Variants in AGBL4 observed in about 807,000 individuals in gnomAD.
AGBL4 encodes the protein cytosolic carboxypeptidase 6.
In AGBL4, 58 loss-of-function variants were observed where a neutral mutation model predicts 66.4. That is an observed-to-expected ratio of 0.87 (90% CI 0.71 to 1.09). The LOEUF (loss-of-function observed/expected upper bound fraction) is 1.09. Ranked by LOEUF, AGBL4 falls within the 50% of genes least tolerant of loss-of-function variation. The pLI is 0.00. For missense variants in AGBL4, 579 were observed against 631.0 expected (o/e 0.92, Z 0.88); for synonymous variants, 234 against 222.9 (o/e 1.05, Z -0.44).
chr1:48,820,759 C>G (rs1196263815), intron 6 of AGBL4, among the ~76,000 whole-genome samples: 1 of 152,028 alleles, frequency 6.6e-6, no homozygotes, highest in East Asian at 1.9e-4. Flanking sequence ...CATTAGGGGA[C>G]TTAATAAATG....
At chr1:48,539,520 G>T in intron 12 of AGBL4, 122 bp downstream of exon 12, 1 of 725,278 alleles carries the variant, frequency 1.4e-6, no homozygotes, top group Non-Finnish European at 2.0e-6. Flanking sequence ...GGCAGGGCCA[G>T]GATTATCTTT....
At chr1:49,491,418 C>A (rs1647182256) in intron 3 of AGBL4, among the ~76,000 whole-genome samples, 1 of 151,696 alleles carries the variant, frequency 6.6e-6, no homozygotes, top group South Asian at 2.1e-4. Context: ...TATCTTCTCC[C>A]CCTCCTCAAA....
chr1:49,343,192 G>A (rs528076488), intron 3 of AGBL4, among the ~76,000 whole-genome samples: 9 of 152,132 alleles, frequency 5.9e-5, no homozygotes, highest in South Asian at 4.1e-4. Context: ...GACCTAAGGT[G>A]AATTCTGACA....
At chr1:49,187,958 G>C (rs1034369357) in intron 4 of AGBL4, among the ~76,000 whole-genome samples, 1 of 152,072 alleles carries the variant, frequency 6.6e-6, no homozygotes, top group African/African-American at 2.4e-5. Context: ...CTATTTTCAT[G>C]ATAGTGAATG....
chr1:49,787,950 A>AT (rs944416618), intron 2 of AGBL4, among the ~76,000 whole-genome samples: 8 of 152,158 alleles, frequency 5.3e-5, no homozygotes. Context: ...CATAAATTAT[A>AT]TTTTTTACAT....
intron 5 of AGBL4, among the ~76,000 whole-genome samples, chr1:49,015,504 G>A (rs1571235852): frequency 6.7e-6 from 1 of 149,476 alleles, no homozygotes; most frequent in African/African-American, 2.5e-5. Context: ...TTCACTGCAA[G>A]CTCCGCCTCC....
intron 3 of AGBL4, among the ~76,000 whole-genome samples, chr1:49,260,918 T>G (rs1283075166): frequency 6.7e-6 from 1 of 149,162 alleles, no homozygotes; most frequent in East Asian, 2.0e-4. Context: ...AATAAAATAC[T>G]GGCAAACCGA....
chr1:48,532,004 G>A (rs867547759), downstream of AGBL4, among the ~76,000 whole-genome samples: 5 of 151,996 alleles, frequency 3.3e-5, no homozygotes, highest in South Asian at 4.2e-4. Context: ...GGCTGGTCTC[G>A]AACTCCTGAC....
chr1:49,842,251 T>C (rs1374208450), intron 2 of AGBL4: 1 of 445,136 alleles, frequency 2.2e-6, no homozygotes, highest in Non-Finnish European at 4.4e-6. Flanking sequence ...CCCTGTACTA[T>C]GATGTAATGC....
the AGBL4 span, among the ~76,000 whole-genome samples, chr1:48,525,566 A>G: frequency 6.6e-6 from 1 of 152,152 alleles, no homozygotes; most frequent in Non-Finnish European, 1.5e-5. Context: ...GATCCTCACG[A>G]TTCTCTTTTT....
Position 49,666,955 on chromosome 1 carries a change from A to G in AGBL4, c.282+30358T>C, listed in dbSNP as rs1646383085. On this transcript the variant is annotated intron_variant, in intron 3 of 13. Coordinates refer to ENST00000371839, the MANE Select transcript of AGBL4 (RefSeq NM_032785.4). Reference sequence around the variant, plus strand: ...TCCAAAGCTTGGTTTTGGTATAGAAAGCACTTCATACTTGGAATAAGAAGA... The same window carrying G: ...TCCAAAGCTTGGTTTTGGTATAGAAGGCACTTCATACTTGGAATAAGAAGA... Among the ~76,000 whole-genome samples the G allele has an allele frequency of 2.6e-5, 4 of 152,246 alleles. No individual in the cohort carries two copies. In the South Asian group the frequency reaches 8.3e-4, roughly 32 times the overall value.
chr1:49,603,025 G>A (rs1644991826), intron 3 of AGBL4, among the ~76,000 whole-genome samples: 2 of 151,970 alleles, frequency 1.3e-5, no homozygotes, highest in South Asian at 4.2e-4. Context: ...ATTAGGAATT[G>A]GAGGATAAAA....
chr1:49,863,252 G>T (rs573521875), intron 1 of AGBL4, among the ~76,000 whole-genome samples: 2 of 152,226 alleles, frequency 1.3e-5, no homozygotes, highest in Admixed American at 1.3e-4. Flanking sequence ...AATGAATCTA[G>T]ACCCCTATCT....
intron 1 of AGBL4, among the ~76,000 whole-genome samples, chr1:49,970,891 T>A (rs2148362522): frequency 6.6e-6 from 1 of 152,244 alleles, no homozygotes; most frequent in Non-Finnish European, 1.5e-5. Flanking sequence ...ATTTTCAAAG[T>A]TATATAACTC....
intron 3 of AGBL4, among the ~76,000 whole-genome samples, chr1:49,396,472 G>A (rs1034925908): frequency 2.0e-5 from 3 of 151,980 alleles, no homozygotes; most frequent in Admixed American, 6.6e-5. Context: ...ATATATAATC[G>A]AGCTAAAAAA....
chr1:49,157,828 C>G (rs1417696229), intron 4 of AGBL4, among the ~76,000 whole-genome samples: 1 of 152,116 alleles, frequency 6.6e-6, no homozygotes, highest in Non-Finnish European at 1.5e-5. Flanking sequence ...CTCTAATGAC[C>G]AGTGATGATG....
chr1:48,880,005 T>C (rs1649622122), intron 5 of AGBL4, among the ~76,000 whole-genome samples: 1 of 152,184 alleles, frequency 6.6e-6, no homozygotes. Flanking sequence ...GAACAGGTGG[T>C]ATTTGGTTAC....
chr1:49,095,239 T>C (rs1436713783), intron 4 of AGBL4, among the ~76,000 whole-genome samples: 1 of 152,102 alleles, frequency 6.6e-6, no homozygotes. Context: ...GAATCAATAT[T>C]ATGCAAATGA....
chr1:49,070,380 G>C (rs1268705848), intron 4 of AGBL4, among the ~76,000 whole-genome samples: 1 of 151,880 alleles, frequency 6.6e-6, no homozygotes. Context: ...GTCATAAATA[G>C]CTCTTATTAT....
Sources: allele counts gnomAD v4.1 joint callset (sites outside exome capture counted in the v4.1 genomes callset), GRCh38; gene constraint gnomAD v4.1.1; transcripts MANE v1.5; gene names NCBI Gene and HGNC (gene_info 2026-07-23, HGNC 2026-07-21).